SLC7A2: variants seen among roughly 807,000 people sequenced by gnomAD.
SLC7A2 encodes cationic amino acid transporter 2.
Under a neutral mutation model 58.9 loss-of-function variants are expected in SLC7A2, and 48 were observed. The ratio of observed to expected loss-of-function variants is 0.82; its 90% CI spans 0.65 to 1.04. The LOEUF (loss-of-function observed/expected upper bound fraction) is 1.04. Among genes scored for constraint, SLC7A2 ranks in the 50% least tolerant of loss-of-function variants. The probability of loss-of-function intolerance (pLI) is 0.00; values close to 1 mark genes in which losing one functional copy is unlikely to be tolerated. For missense variants in SLC7A2, 1,029 were observed against 818.8 expected, an observed-to-expected ratio of 1.26 and a Z score of -3.13; for synonymous variants, 363 against 314.5, an observed-to-expected ratio of 1.15 and a Z score of -1.63.
At chr8:17,518,940 G>A (rs1044962288) in intron 2 of SLC7A2, among the ~76,000 whole-genome samples, 4 of 152,078 alleles carry the variant, frequency 2.6e-5, no homozygotes, top group African/African-American at 9.7e-5. Context: ...CCTGCAGACG[G>A]CAGCCTTCTC....
chr8:17,503,285 C>G (rs1369445892), intron 2 of SLC7A2, among the ~76,000 whole-genome samples: 3 of 152,118 alleles, frequency 2.0e-5, no homozygotes, highest in African/African-American at 7.2e-5. Context: ...CTCCTGACCT[C>G]ATGATCTGCC....
chr8:17,503,604 T>C (rs1184424817), intron 2 of SLC7A2, among the ~76,000 whole-genome samples: 1 of 152,054 alleles, frequency 6.6e-6, no homozygotes, highest in East Asian at 1.9e-4. Context: ...GTACTTATTA[T>C]TCATACGCGG....
rs188987099 is a variant in SLC7A2, at chr8:17,533,658, A to G, written c.-22-9660A>G. ...TCGCTTTTAGACAAAAAGCTTTCTTATACTCCACTACCCTCCTGGTCCATG... is the reference window on the plus strand; with the variant it reads ...TCGCTTTTAGACAAAAAGCTTTCTTGTACTCCACTACCCTCCTGGTCCATG... On this transcript the variant is annotated intron_variant, in intron 2 of 12. Transcript: ENST00000494857. Among the ~76,000 whole-genome samples, 215 of 152,306 alleles carry G rather than the reference A, an allele frequency of 1.4e-3. 2 individuals carry two copies. Among genetic ancestry groups the G allele is most frequent in the Non-Finnish European group, 3.2e-4 (22 of 68,030 alleles).
At chr8:17,530,080 G>A (rs1801383199) in intron 2 of SLC7A2, among the ~76,000 whole-genome samples, 1 of 151,994 alleles carries the variant, frequency 6.6e-6, no homozygotes, top group Admixed American at 6.6e-5. Context: ...TGAATGAGCG[G>A]GAGGTTCTCA....
At chr8:17,553,796 A>C (rs2150761213) in intron 7 of SLC7A2, among the ~76,000 whole-genome samples, 1 of 152,320 alleles carries the variant, frequency 6.6e-6, no homozygotes, top group East Asian at 1.9e-4. Flanking sequence ...TAAATCAATA[A>C]GAAGGATTTT....
At chr8:17,545,450 GC>G (rs1473012804) in intron 4 of SLC7A2, among the ~76,000 whole-genome samples, 3 of 120,482 alleles carry the variant, frequency 2.5e-5, no homozygotes, top group African/African-American at 9.9e-5. Flanking sequence ...TGACTCTGTC[GC>G]CCAGGCTGGA....
chr8:17,542,225 T>C (rs933419070), intron 2 of SLC7A2, among the ~76,000 whole-genome samples: 2 of 152,234 alleles, frequency 1.3e-5, no homozygotes, highest in African/African-American at 4.8e-5. Context: ...TTGATAAAGC[T>C]GTAGAATACG....
chr8:17,517,107 A>G (rs1800834064), intron 2 of SLC7A2, among the ~76,000 whole-genome samples: 1 of 151,988 alleles, frequency 6.6e-6, no homozygotes, highest in South Asian at 2.1e-4. Context: ...ATCTCTGCTC[A>G]CTCCCCCTTT....
In SLC7A2 at chr8:17,552,059, T is replaced by C. The variant is rs17124809; in HGVS notation, c.1055+73T>C. 8,951 of 1,234,476 alleles carry C rather than the reference T, an allele frequency of 7.3e-3. 487 individuals are homozygous for C. In the African/African-American group the frequency reaches 0.12, roughly 17 times the overall value. The allele number at this position is 1,234,476 out of a possible 1,614,324, so 76.5% of individuals were successfully genotyped here. ...GTAGTCAGTGTCTAAAAATTTGCTT[T>C]TGTCTGTTTAAAAAGTATCCTAATA... is the stretch of plus-strand genomic sequence containing the variant. On this transcript the variant is annotated intron_variant, in intron 7 of 12. Transcript: ENST00000494857.
intron 2 of SLC7A2, among the ~76,000 whole-genome samples, chr8:17,534,981 T>TC (rs1450084249): frequency 6.6e-6 from 1 of 151,904 alleles, no homozygotes; most frequent in Non-Finnish European, 1.5e-5. Context: ...CAGCTAAGAG[T>TC]CCCTTGTGCC....
chr8:17,511,309 C>G (rs377700398), intron 2 of SLC7A2: 30 of 152,230 alleles, frequency 2.0e-4, no homozygotes, highest in African/African-American at 6.7e-4. Context: ...TTCTCCTTAA[C>G]TTCTTCATCC....
Position 17,551,977 on chromosome 8 carries a change from T to A in SLC7A2, c.1046T>A (p.Leu349Ter). Residue 349 changes from leucine (L) to a stop codon, truncating the protein, a stop_gained, in exon 7 of 13, where the codon TTG (leucine) becomes TAG (stop). Coordinates refer to ENST00000494857, the MANE Select transcript of SLC7A2 (RefSeq NM_001370338.1). LOFTEE classifies it high-confidence loss of function. ...GTCGCAGCTGGTTCTCTCTGCGCCTTGTCAACAAGGTACATTGCATCGCCT... is the reference window on the plus strand; with the variant it reads ...GTCGCAGCTGGTTCTCTCTGCGCCTAGTCAACAAGGTACATTGCATCGCCT... ...YVVAAGSLCA[L>*]STSLLGSIFP... The A allele has an allele frequency of 6.2e-7, 1 of 1,613,996 alleles. No homozygotes were observed. Among genetic ancestry groups the A allele is most frequent in the Non-Finnish European group, 8.5e-7 (1 of 1,179,884 alleles).
chr8:17,526,245 T>C (rs1801218930), intron 2 of SLC7A2, among the ~76,000 whole-genome samples: 1 of 151,900 alleles, frequency 6.6e-6, no homozygotes, highest in Non-Finnish European at 1.5e-5. Flanking sequence ...ATTTAAAAGG[T>C]GGAAGAATAA....
chr8:17,517,655 T>C (rs1049389830), intron 2 of SLC7A2, among the ~76,000 whole-genome samples: 1 of 152,002 alleles, frequency 6.6e-6, no homozygotes, highest in Non-Finnish European at 1.5e-5. Context: ...CCCGTATTGC[T>C]TACCTTTAAT....
chr8:17,550,220 A>G, intron 5 of SLC7A2, 81 bp from the exon 6 acceptor site: 5 of 1,329,372 alleles, frequency 3.8e-6, no homozygotes, highest in Non-Finnish European at 5.3e-6. Flanking sequence ...ACCACCTTCC[A>G]AGGATATAGT....
Position 17,554,128 on chromosome 8 carries a change from C to T in SLC7A2, c.1056-432C>T, listed in dbSNP as rs569355375. The stretch of plus-strand genomic sequence containing the variant: ...TATCATTATTGAATAAAGGTTGCAA[C>T]TATTGCTTATGAAATAAAATTACTT... On this transcript the variant is annotated intron_variant, in intron 7 of 12. Coordinates refer to ENST00000494857, the MANE Select transcript of SLC7A2 (RefSeq NM_001370338.1). Among the ~76,000 whole-genome samples, 16 of 152,270 alleles carry T rather than the reference C, an allele frequency of 1.1e-4. No homozygotes were observed. The South Asian group carries it at 2.7e-3, about 26-fold the overall frequency.
At chr8:17,542,650 CA>C (rs148911251) in intron 2 of SLC7A2, among the ~76,000 whole-genome samples, 11 of 134,990 alleles carry the variant, frequency 8.1e-5, no homozygotes, top group East Asian at 2.1e-4. Flanking sequence ...GACCCTGTCT[CA>C]AAAAAAAAAG....
intron 2 of SLC7A2, among the ~76,000 whole-genome samples, chr8:17,522,950 G>A (rs1319829757): frequency 6.6e-6 from 1 of 152,016 alleles, no homozygotes; most frequent in Non-Finnish European, 1.5e-5. Context: ...TGGGAGGATT[G>A]CTTGAGCCCA....
intron 2 of SLC7A2, among the ~76,000 whole-genome samples, chr8:17,528,284 G>C (rs951146455): frequency 3.3e-5 from 5 of 152,160 alleles, no homozygotes; most frequent in African/African-American, 1.2e-4. Context: ...AAGCTAATTA[G>C]GCTTTATATT....
Sources: gnomAD v4.1 joint callset for allele counts (sites outside exome capture counted in the v4.1 genomes callset) on GRCh38, gnomAD v4.1.1 for gene constraint, MANE v1.5 for transcripts, NCBI Gene and HGNC (gene_info 2026-07-23, HGNC 2026-07-21) for gene names.